RELN: variants seen among roughly 807,000 people sequenced by gnomAD.
RELN encodes the protein reelin.
Under a neutral mutation model 427.6 loss-of-function variants are expected in RELN, and 108 were observed. The observed-to-expected ratio is 0.25, with a 90% CI of 0.22 to 0.30. RELN has a LOEUF of 0.30. Ranked by LOEUF, RELN falls within the 10% of genes least tolerant of loss-of-function variation. The pLI is 1.00. For missense variants in RELN, 3,715 were observed against 4,302.8 expected, an observed-to-expected ratio of 0.86 and a Z score of 3.82; for synonymous variants, 1,524 against 1,513.4, an observed-to-expected ratio of 1.01 and a Z score of -0.16.
At chr7:103,901,888 T>C (rs370738502) in intron 2 of RELN, among the ~76,000 whole-genome samples, 1 of 152,056 alleles carries the variant, frequency 6.6e-6, no homozygotes, top group Non-Finnish European at 1.5e-5. Flanking sequence ...AAATTTTATG[T>C]ATGTGATTTG....
At chr7:103,832,088 C>A (rs1263483677) in intron 3 of RELN, among the ~76,000 whole-genome samples, 2 of 152,046 alleles carry the variant, frequency 1.3e-5, no homozygotes, top group East Asian at 3.9e-4. Flanking sequence ...AGAGGATAGG[C>A]AGAAAGAGTA....
chr7:103,870,453 G>A (rs1456550465), intron 2 of RELN, among the ~76,000 whole-genome samples: 1 of 151,924 alleles, frequency 6.6e-6, no homozygotes, highest in Non-Finnish European at 1.5e-5. Flanking sequence ...TGCTAGGATG[G>A]ATCTCTAGAA....
At chr7:103,878,913 T>G (rs1794544903) in intron 2 of RELN, among the ~76,000 whole-genome samples, 2 of 152,182 alleles carry the variant, frequency 1.3e-5, no homozygotes, top group Admixed American at 1.3e-4. Flanking sequence ...TTGGTTCTAC[T>G]CTTGGTCAAT....
intron 30 of RELN, among the ~76,000 whole-genome samples, chr7:103,572,686 G>A (rs1225145678): frequency 1.3e-5 from 2 of 151,726 alleles, no homozygotes; most frequent in Admixed American, 6.6e-5. Context: ...ACAGGTGCCC[G>A]CCACCACGCC....
chr7:103,694,467 A>AGATGATGATGATGATGATGAT (rs139140239), intron 10 of RELN, among the ~76,000 whole-genome samples: 13 of 148,798 alleles, frequency 8.7e-5, no homozygotes, highest in African/African-American at 2.5e-4. Flanking sequence ...CAGTTAAATG[A>AGATGATGATGATGATGATGAT]GATGATGATG....
intron 2 of RELN, among the ~76,000 whole-genome samples, chr7:103,888,251 A>G (rs1462304138): frequency 6.6e-6 from 1 of 151,552 alleles, no homozygotes; most frequent in African/African-American, 2.4e-5. Context: ...AAAAATATAT[A>G]TATATATATC....
intron 2 of RELN, among the ~76,000 whole-genome samples, chr7:103,881,121 TC>T (rs1033448282): frequency 6.7e-4 from 102 of 152,318 alleles, no homozygotes; most frequent in African/African-American, 2.4e-3. Flanking sequence ...CTTTTTTCTT[TC>T]TTTCAATTCC....
At chr7:103,869,605 T>C (rs556621760) in intron 2 of RELN, among the ~76,000 whole-genome samples, 6 of 152,228 alleles carry the variant, frequency 3.9e-5, no homozygotes, top group African/African-American at 1.4e-4. Context: ...TGGCTTCCAT[T>C]GTTTCTGATA....
At chr7:103,582,983 C>T (rs769385354) in intron 28 of RELN, among the ~76,000 whole-genome samples, 3 of 152,146 alleles carry the variant, frequency 2.0e-5, no homozygotes, top group Admixed American at 6.6e-5. Flanking sequence ...ATACAAGCTT[C>T]CACGGAGCCA....
chr7:103,550,429 T>A (rs1032010808), intron 41 of RELN, among the ~76,000 whole-genome samples: 2 of 152,216 alleles, frequency 1.3e-5, no homozygotes, highest in African/African-American at 4.8e-5. Context: ...ACTGCTCTGT[T>A]GACTTCCTCT....
intron 1 of RELN, among the ~76,000 whole-genome samples, chr7:103,975,135 A>G (rs890932290): frequency 1.3e-5 from 2 of 152,240 alleles, no homozygotes; most frequent in African/African-American, 4.8e-5. Context: ...GTTCAAAGCC[A>G]AAATTTAGAA....
chr7:103,898,909 A>G (rs1455055782), intron 2 of RELN, among the ~76,000 whole-genome samples: 1 of 152,086 alleles, frequency 6.6e-6, no homozygotes, highest in East Asian at 1.9e-4. Flanking sequence ...GAAAAGTATT[A>G]GATGTTTTAA....
chr7:103,514,599 C>T (rs563596669), intron 50 of RELN, among the ~76,000 whole-genome samples: 115 of 152,186 alleles, frequency 7.6e-4, no homozygotes, highest in African/African-American at 2.7e-3. Flanking sequence ...GCGGAGGTTG[C>T]AGTGAGCTGG....
At chr7:103,676,193 A>G (rs1833519187) in intron 11 of RELN, among the ~76,000 whole-genome samples, 1 of 152,172 alleles carries the variant, frequency 6.6e-6, no homozygotes, top group Non-Finnish European at 1.5e-5. Context: ...AATTTACAAG[A>G]AAAAAATAAA....
In RELN at chr7:103,651,894, A is replaced by C. The variant is rs552785933; in HGVS notation, c.1764-105T>G. On this transcript the variant is annotated intron_variant, in intron 14 of 64. Coordinates refer to ENST00000428762, the MANE Select transcript of RELN (RefSeq NM_005045.4). ...AAGTACATTAAACAACTGTAAAAACAGTGTAAAATTTTTTAAAGATGCTGT... is the reference window on the plus strand; with the variant it reads ...AAGTACATTAAACAACTGTAAAAACCGTGTAAAATTTTTTAAAGATGCTGT... 9.7e-6 allele frequency: 12 copies of C among 1,239,632 alleles called. No homozygotes were observed. The African/African-American group carries it at 1.7e-4, about 17-fold the overall frequency. 76.8% of individuals were successfully genotyped at this position (1,239,632 alleles called of 1,614,324 possible). A position where few individuals can be genotyped will look rare whatever the true frequency, so the allele number is the denominator to read the frequency against.
rs34952499 is a variant in RELN, at chr7:103,852,672, T to TTTGTTG, written c.338-19006_338-19001dup. Among the ~76,000 whole-genome samples, 33 of 151,666 alleles carry TTTGTTG rather than the reference T, an allele frequency of 2.2e-4. No homozygotes were observed. The East Asian group carries it at 2.5e-3, about 12-fold the overall frequency. ...CTTCATTCAGTAACTCACCTTTGTTTTTGTTGTTGTTGTTGTTGTTTGTTT... is the reference window on the plus strand; with the variant it reads ...CTTCATTCAGTAACTCACCTTTGTTTTTGTTGTTGTTGTTGTTGTTGTTGTTTGTTT... On this transcript the variant is annotated intron_variant, in intron 2 of 64. Coordinates refer to ENST00000428762, the MANE Select transcript of RELN (RefSeq NM_005045.4).
At chr7:103,948,194 A>T (rs1796257948) in intron 1 of RELN, among the ~76,000 whole-genome samples, 1 of 152,192 alleles carries the variant, frequency 6.6e-6, no homozygotes, top group Non-Finnish European at 1.5e-5. Flanking sequence ...ATTTTTAAAC[A>T]TTTAATACCT....
chr7:103,764,953 C>T (rs546085921), intron 4 of RELN, among the ~76,000 whole-genome samples: 12 of 151,710 alleles, frequency 7.9e-5, no homozygotes, highest in East Asian at 1.9e-4. Flanking sequence ...GGTGAGGATC[C>T]GAGTCCTCTG....
Position 103,917,157 on chromosome 7 carries a change from G to A in RELN, c.255C>T (p.Asp85=), listed in dbSNP as rs745932066. 3.1e-5 allele frequency: 50 copies of A among 1,613,008 alleles called. No individual in the cohort carries two copies. The highest frequency in any genetic ancestry group is 3.6e-5 in the Non-Finnish European group (42 of 1,179,572). The part of the protein sequence containing the change: ...HVTISTSTFF[D]GLLVTGLYTS... ...TGTATAGTCCTGTCACCAGCAAGCC[G>A]TCAAAAAAGGTGCTTGTTGAAATTG... Residue 85 remains aspartate, a synonymous_variant, in exon 2 of 65, where the codon GAC becomes GAT. Transcript: ENST00000428762.
Sources: gnomAD v4.1 joint callset for allele counts (sites outside exome capture counted in the v4.1 genomes callset) on GRCh38, gnomAD v4.1.1 for gene constraint, MANE v1.5 for transcripts, NCBI Gene and HGNC (gene_info 2026-07-23, HGNC 2026-07-21) for gene names.